Variants in GPR26 observed in about 807,000 individuals in gnomAD.
The protein encoded by GPR26 is G protein-coupled receptor 26.
In GPR26, 15 loss-of-function variants were observed where a neutral mutation model predicts 23.1. The ratio of observed to expected loss-of-function variants is 0.65; its 90% CI spans 0.43 to 1.00. The LOEUF is 1.00. Among genes scored for constraint, GPR26 ranks in the 50% least tolerant of loss-of-function variants. The pLI is 0.00. For synonymous variants in GPR26, 228 were observed against 222.1 expected, an observed-to-expected ratio of 1.03 and a Z score of -0.24; for missense variants, 359 against 470.5, an observed-to-expected ratio of 0.76 and a Z score of 2.19.
intron 1 of GPR26, 135 bp downstream of exon 1, chr10:123,667,210 C>T (rs1163554693): frequency 9.9e-6 from 7 of 710,474 alleles, no homozygotes; most frequent in Non-Finnish European, 1.4e-5. Context: ...GAAAGCGGCC[C>T]AGCTGTGGGG....
chr10:123,683,419 C>T lies in GPR26; in HGVS notation c.783-4510C>T, dbSNP rs1383124659. Among the ~76,000 whole-genome samples, 4 of 152,370 alleles carry T rather than the reference C, an allele frequency of 2.6e-5. No individual in the cohort carries two copies. The South Asian group carries it at 6.2e-4, about 24-fold the overall frequency. ...AGCCCCTGGGGGCCCACAGGAGGTG[C>T]TGGGTCAGGGGCTGCAGGGGTTATG... On this transcript the variant is annotated intron_variant, in intron 2 of 2. Transcript: ENST00000284674.
chr10:123,666,775 C>T lies in GPR26; in HGVS notation c.368C>T (p.Ala123Val). The T allele has an allele frequency of 6.2e-7, 1 of 1,603,886 alleles. No homozygotes were observed. The highest frequency in any genetic ancestry group is 8.5e-7 in the Non-Finnish European group (1 of 1,177,432). The change falls in exon 1 of 3, where the codon GCG becomes GTG. Residue 123 changes from alanine (A) to valine (V), a missense_variant. Transcript: ENST00000284674. ...CGGGCCAAGATGCGCCTCCGCGACG[C>T]GGCGCTCATGGTGGCCTACACGTGG... ...SYRAKMRLRD[A>V]ALMVAYTWLH...
At chr10:123,687,899 C>T in intron 2 of GPR26, 30 bp from the exon 3 acceptor site, 7 of 1,478,256 alleles carry the variant, frequency 4.7e-6, no homozygotes, top group Non-Finnish European at 5.7e-6. Context: ...TAGCTATGTC[C>T]TCATTAACAG....
intron 2 of GPR26, among the ~76,000 whole-genome samples, chr10:123,676,303 T>A (rs1845309613): frequency 6.6e-6 from 1 of 152,088 alleles, no homozygotes; most frequent in South Asian, 2.1e-4. Flanking sequence ...TGTCTGCAGG[T>A]CTCTGGATGG....
At chr10:123,685,585 G>A (rs1845423928) in intron 2 of GPR26, among the ~76,000 whole-genome samples, 1 of 152,240 alleles carries the variant, frequency 6.6e-6, no homozygotes, top group African/African-American at 2.4e-5. Context: ...CCCTGATAAA[G>A]GCCAGACATT....
intron 2 of GPR26, among the ~76,000 whole-genome samples, chr10:123,683,651 A>G (rs1219818): frequency 1 from 152,206 of 152,300 alleles, 76,056 homozygotes; most frequent in East Asian, 1. Context: ...GCAGCTTCCT[A>G]TCTCCATCAG....
At chr10:123,685,445 G>C (rs1845421898) in intron 2 of GPR26, among the ~76,000 whole-genome samples, 2 of 152,204 alleles carry the variant, frequency 1.3e-5, no homozygotes, top group African/African-American at 2.4e-5. Context: ...CACCTGCATG[G>C]GGCCGCGAGA....
At chr10:123,682,649 C>T (rs539485844) in intron 2 of GPR26, among the ~76,000 whole-genome samples, 5 of 152,340 alleles carry the variant, frequency 3.3e-5, no homozygotes, top group Admixed American at 6.5e-5. Context: ...CAGCGATCTA[C>T]GCTTACAAAT....
At position 123,691,296 on chromosome 10, in the gene GPR26, G is replaced by A. The variant is rs1042730918; in HGVS notation, c.*3136G>A. 6.6e-6 allele frequency: 1 copy of A among 152,150 alleles called. No homozygotes were observed. The highest frequency in any genetic ancestry group is 1.5e-5 in the Non-Finnish European group (1 of 68,044). 9.4% of individuals were successfully genotyped at this position (152,150 alleles called of 1,614,324 possible). ...CTTAGAAAGCAGGCTTGGGCAGGAGGGGAAATGGATTTGAACCATCTCAGA... is the reference window on the plus strand; with the variant it reads ...CTTAGAAAGCAGGCTTGGGCAGGAGAGGAAATGGATTTGAACCATCTCAGA... On this transcript the variant is annotated 3_prime_UTR_variant, in exon 3 of 3. Coordinates refer to ENST00000284674, the MANE Select transcript of GPR26 (RefSeq NM_153442.4).
chr10:123,687,895 T>A (rs1301343416), intron 2 of GPR26, 34 bp from the exon 3 acceptor site: 1 of 1,442,230 alleles, frequency 6.9e-7, no homozygotes, highest in Non-Finnish European at 9.8e-7. Flanking sequence ...TGCTTAGCTA[T>A]GTCCTCATTA....
chr10:123,674,694 G>A lies in GPR26; in HGVS notation c.669-124G>A. On this transcript the variant is annotated intron_variant, in intron 1 of 2. Transcript: ENST00000284674. The surrounding 1 kb of genome is among the most constrained non-coding windows in gnomAD (Gnocchi z 4.1). ...TAGCTACAGCCAAGAGTTGACGCTGGGTCTTTCCGACTCCATAGTCAAGTT... is the reference window on the plus strand; with the variant it reads ...TAGCTACAGCCAAGAGTTGACGCTGAGTCTTTCCGACTCCATAGTCAAGTT... 1.6e-6 allele frequency: 1 copy of A among 626,214 alleles called. No homozygotes were observed. The highest frequency in any genetic ancestry group is 1.9e-5 in the South Asian group (1 of 53,814). 38.8% of individuals were successfully genotyped at this position (626,214 alleles called of 1,614,324 possible).
At chr10:123,672,969 T>C (rs1364436289) in intron 1 of GPR26, among the ~76,000 whole-genome samples, 3 of 152,032 alleles carry the variant, frequency 2.0e-5, no homozygotes, top group Admixed American at 2.0e-4. Context: ...CACATAAATG[T>C]TGTGAGTTTT....
chr10:123,684,867 G>A (rs1377861167), intron 2 of GPR26, among the ~76,000 whole-genome samples: 1 of 152,214 alleles, frequency 6.6e-6, no homozygotes, highest in East Asian at 1.9e-4. Flanking sequence ...TGGGGGAGAT[G>A]CAATTCAACC....
At chr10:123,683,616 C>T (rs927618117) in intron 2 of GPR26, among the ~76,000 whole-genome samples, 2 of 152,184 alleles carry the variant, frequency 1.3e-5, no homozygotes, top group African/African-American at 4.8e-5. Flanking sequence ...AATGTGAGGT[C>T]CCCATGGGTG....
chr10:123,673,921 C>CTCTTCCTCTTCTTCT (rs112787370), intron 1 of GPR26, among the ~76,000 whole-genome samples: 25 of 150,164 alleles, frequency 1.7e-4, no homozygotes, highest in African/African-American at 6.1e-4. Flanking sequence ...CTTCCTCTTC[C>CTCTTCCTCTTCTTCT]TCTTCTTCTT....
At chr10:123,677,629 C>CATTG (rs1333988668) in intron 2 of GPR26, among the ~76,000 whole-genome samples, 1 of 152,178 alleles carries the variant, frequency 6.6e-6, no homozygotes, top group Non-Finnish European at 1.5e-5. Context: ...CTGCTGGGGA[C>CATTG]ATTGATCTTG....
In GPR26 at chr10:123,693,891, C is replaced by T. The variant is rs1024021429; in HGVS notation, c.*5731C>T. The T allele has an allele frequency of 9.2e-5, 14 of 152,284 alleles. No individual in the cohort carries two copies. The highest frequency in any genetic ancestry group is 3.1e-4 in the African/African-American group (13 of 41,458). 9.4% of individuals were successfully genotyped at this position (152,284 alleles called of 1,614,324 possible). ...GGCTAGGACACACAGTGGCTTCGCTCAGCCTGGCCACGACATCACTGTGCA... is the reference window on the plus strand; with the variant it reads ...GGCTAGGACACACAGTGGCTTCGCTTAGCCTGGCCACGACATCACTGTGCA... On this transcript the variant is annotated 3_prime_UTR_variant, in exon 3 of 3. Coordinates refer to ENST00000284674, the MANE Select transcript of GPR26 (RefSeq NM_153442.4).
At position 123,688,716 on chromosome 10, in the gene GPR26, CTT is replaced by C. The variant is rs1564734055; in HGVS notation, c.*557_*558del. The C allele has an allele frequency of 6.4e-6, 1 of 157,028 alleles. No individual in the cohort carries two copies. Among genetic ancestry groups the C allele is most frequent in the African/African-American group, 2.4e-5 (1 of 41,500 alleles). 9.7% of individuals were successfully genotyped at this position (157,028 alleles called of 1,614,324 possible). A position where few individuals can be genotyped will look rare whatever the true frequency, so the allele number is the denominator to read the frequency against. ...AACGACATTGTGCCCAGCTGGGACT[CTT>C]GGGCTCTGTGCCTGAGGGAAAATGT... On this transcript the variant is annotated 3_prime_UTR_variant, in exon 3 of 3. Transcript: ENST00000284674.
chr10:123,685,106 A>G (rs1845417199), intron 2 of GPR26, among the ~76,000 whole-genome samples: 1 of 152,180 alleles, frequency 6.6e-6, no homozygotes, highest in African/African-American at 2.4e-5. Context: ...ACGGAGGAGG[A>G]GAGGCTCCCT....
Sources: allele counts gnomAD v4.1 joint callset (sites outside exome capture counted in the v4.1 genomes callset), GRCh38; gene constraint gnomAD v4.1.1; non-coding constraint Gnocchi (gnomAD v3.1); transcripts MANE v1.5; gene names NCBI Gene and HGNC (gene_info 2026-07-23, HGNC 2026-07-21).